Variants in STARD13 observed in about 807,000 individuals in gnomAD.
STARD13 encodes StAR related lipid transfer domain containing 13.
Under a neutral mutation model 106.4 loss-of-function variants are expected in STARD13, and 62 were observed. The ratio of observed to expected loss-of-function variants is 0.58; its 90% CI spans 0.48 to 0.72. STARD13 has a LOEUF of 0.72. STARD13 is among the 30% of genes least tolerant of loss of function. STARD13 has a pLI of 0.00. For synonymous variants in STARD13, 565 were observed against 553.0 expected (o/e 1.02, Z -0.31); for missense variants, 1,387 against 1,424.0 (o/e 0.97, Z 0.42).
At chr13:33,382,804 G>T in the STARD13 span, among the ~76,000 whole-genome samples, 3 of 152,112 alleles carry the variant, frequency 2.0e-5, no homozygotes, top group Non-Finnish European at 4.4e-5. Context: ...CTCTTCCACC[G>T]ATAAGCATTA....
At chr13:33,131,891 T>C (rs1403359795) in intron 4 of STARD13, among the ~76,000 whole-genome samples, 5 of 152,216 alleles carry the variant, frequency 3.3e-5, no homozygotes, top group African/African-American at 1.2e-4. Flanking sequence ...AAGAAGGTAG[T>C]GCATTCAGCA....
At chr13:33,614,940 G>A in the STARD13 span, among the ~76,000 whole-genome samples, 1 of 152,266 alleles carries the variant, frequency 6.6e-6, no homozygotes, top group South Asian at 2.1e-4. Context: ...AATGTTTTTG[G>A]AAACTGTCAG....
intron 1 of STARD13, among the ~76,000 whole-genome samples, chr13:33,302,949 G>T (rs75365122): frequency 0.016 from 2,488 of 152,204 alleles, 67 homozygotes; most frequent in African/African-American, 0.053. Flanking sequence ...CTTCAGTCTG[G>T]CATTAAAGGC....
chr13:33,479,858 T>C, the STARD13 span, among the ~76,000 whole-genome samples: 3 of 152,140 alleles, frequency 2.0e-5, no homozygotes. Context: ...AGATGCCTGC[T>C]CCCCCTTCTC....
the STARD13 span, among the ~76,000 whole-genome samples, chr13:33,374,414 T>C: frequency 1.3e-5 from 2 of 152,296 alleles, no homozygotes; most frequent in African/African-American, 4.8e-5. Flanking sequence ...ATACTTAAAA[T>C]GGTTAAAATG....
the STARD13 span, among the ~76,000 whole-genome samples, chr13:33,376,293 T>C: frequency 4.7e-4 from 71 of 152,276 alleles, no homozygotes; most frequent in African/African-American, 1.4e-3. Context: ...TGTTCTAAAG[T>C]GCTGAGGATA....
the STARD13 span, among the ~76,000 whole-genome samples, chr13:33,541,578 G>A: frequency 6.6e-6 from 1 of 152,114 alleles, no homozygotes; most frequent in Non-Finnish European, 1.5e-5. Context: ...TGGCAATTTC[G>A]GACAATCTTT....
intron 1 of STARD13, among the ~76,000 whole-genome samples, chr13:33,192,331 C>T (rs556574805): frequency 6.6e-6 from 1 of 152,274 alleles, no homozygotes; most frequent in South Asian, 2.1e-4. Context: ...ACAGTTGTTA[C>T]TGGAATATGT....
chr13:33,147,040 C>T (rs914289671), intron 3 of STARD13, among the ~76,000 whole-genome samples: 1 of 152,216 alleles, frequency 6.6e-6, no homozygotes, highest in African/African-American at 2.4e-5. Flanking sequence ...CAGTTCACAG[C>T]GCTTGTCTTT....
At chr13:33,557,186 C>T in the STARD13 span, among the ~76,000 whole-genome samples, 1 of 151,932 alleles carries the variant, frequency 6.6e-6, no homozygotes, top group Non-Finnish European at 1.5e-5. Context: ...CCTCCACTTC[C>T]TCTCCTTCTA....
chr13:33,674,772 C>T, the STARD13 span, among the ~76,000 whole-genome samples: 1 of 152,082 alleles, frequency 6.6e-6, no homozygotes, highest in Non-Finnish European at 1.5e-5. Context: ...TAAATTGACA[C>T]AGTAACATAT....
At chr13:33,200,906 G>A (rs1056888666) in intron 1 of STARD13, among the ~76,000 whole-genome samples, 29 of 151,930 alleles carry the variant, frequency 1.9e-4, no homozygotes, top group Admixed American at 2.6e-4. Flanking sequence ...GGCGCCTGTG[G>A]TCCCAGCTAC....
the STARD13 span, among the ~76,000 whole-genome samples, chr13:33,615,774 T>G: frequency 6.6e-6 from 1 of 152,226 alleles, no homozygotes; most frequent in Non-Finnish European, 1.5e-5. Context: ...AGCATCGCTC[T>G]GCACCCAAAG....
chr13:33,487,773 T>C, the STARD13 span, among the ~76,000 whole-genome samples: 3 of 152,192 alleles, frequency 2.0e-5, no homozygotes, highest in Non-Finnish European at 4.4e-5. Context: ...TACTTTCTCT[T>C]TTAGTTATCA....
the STARD13 span, among the ~76,000 whole-genome samples, chr13:33,430,510 C>T: frequency 6.6e-6 from 1 of 152,174 alleles, no homozygotes; most frequent in Non-Finnish European, 1.5e-5. Flanking sequence ...TGGAGAACAG[C>T]ATGGAGGTTC....
At chr13:33,629,057 C>T in the STARD13 span, among the ~76,000 whole-genome samples, 1 of 152,198 alleles carries the variant, frequency 6.6e-6, no homozygotes, top group Admixed American at 6.5e-5. Context: ...TCTGTGAAGG[C>T]AGAGGCCTGG....
At chr13:33,214,582 A>G (rs897345821) in intron 1 of STARD13, among the ~76,000 whole-genome samples, 1 of 152,068 alleles carries the variant, frequency 6.6e-6, no homozygotes, top group Non-Finnish European at 1.5e-5. Context: ...CAGCTCCACA[A>G]CCTTTCAGTG....
the STARD13 span, among the ~76,000 whole-genome samples, chr13:33,388,248 A>C: frequency 6.6e-6 from 1 of 152,050 alleles, no homozygotes; most frequent in African/African-American, 2.4e-5. Flanking sequence ...AGACATCAAG[A>C]CTGAGGTTCT....
chr13:33,505,068 T>C, the STARD13 span, among the ~76,000 whole-genome samples: 1 of 152,178 alleles, frequency 6.6e-6, no homozygotes, highest in African/African-American at 2.4e-5. Context: ...CCTAAGTCTG[T>C]GAGTTTACAA....
Sources: allele counts gnomAD v4.1 joint callset (sites outside exome capture counted in the v4.1 genomes callset), GRCh38; gene constraint gnomAD v4.1.1; transcripts MANE v1.5; gene names NCBI Gene and HGNC (gene_info 2026-07-23, HGNC 2026-07-21).